The following MAGI2 variants were observed in gnomAD, a reference collection of about 807,000 sequenced individuals.
MAGI2 encodes membrane-associated guanylate kinase, WW and PDZ domain-containing protein 2.
Under a neutral mutation model 133.3 loss-of-function variants are expected in MAGI2, and 35 were observed. The observed-to-expected ratio is 0.26, with a 90% confidence interval of 0.20 to 0.35. The LOEUF is 0.35. Ranked by LOEUF, MAGI2 falls within the 10% of genes least tolerant of loss-of-function variation. The pLI is 1.00. For synonymous variants in MAGI2, 729 were observed against 710.6 expected, an observed-to-expected ratio of 1.03 and a Z score of -0.41; for missense variants, 1,636 against 1,863.4, an observed-to-expected ratio of 0.88 and a Z score of 2.25.
At chr7:79,296,591 A>T (rs1311991518) in intron 1 of MAGI2, among the ~76,000 whole-genome samples, 3 of 152,220 alleles carry the variant, frequency 2.0e-5, no homozygotes, top group African/African-American at 7.2e-5. Flanking sequence ...GCACAAAAAG[A>T]CAAATACCAC....
chr7:78,855,335 A>G (rs1793539352), intron 2 of MAGI2, among the ~76,000 whole-genome samples: 1 of 152,134 alleles, frequency 6.6e-6, no homozygotes, highest in East Asian at 1.9e-4. Flanking sequence ...GACATGTGCC[A>G]TGTTTGTGTG....
At chr7:79,310,965 CA>C (rs1331940595) in intron 1 of MAGI2, among the ~76,000 whole-genome samples, 10 of 151,732 alleles carry the variant, frequency 6.6e-5, no homozygotes, top group Non-Finnish European at 1.3e-4. Context: ...CACACACACA[CA>C]CCCCTCTCCA....
chr7:78,241,719 G>A (rs1424198161), intron 10 of MAGI2, among the ~76,000 whole-genome samples: 1 of 152,044 alleles, frequency 6.6e-6, no homozygotes, highest in African/African-American at 2.4e-5. Context: ...AATCACTTGA[G>A]GTCAGGAGTT....
chr7:78,588,364 T>C (rs575020466), intron 3 of MAGI2, among the ~76,000 whole-genome samples: 100 of 152,222 alleles, frequency 6.6e-4, no homozygotes, highest in Non-Finnish European at 1.3e-3. Flanking sequence ...ATATAATTAA[T>C]AACTTCAAAA....
chr7:78,358,406 G>T, intron 7 of MAGI2: 1 of 152,634 alleles, frequency 6.6e-6, no homozygotes. Context: ...GCACCACGAG[G>T]GCATCAACAT....
intron 18 of MAGI2, among the ~76,000 whole-genome samples, chr7:78,129,362 A>T (rs1286934424): frequency 6.6e-6 from 1 of 152,208 alleles, no homozygotes; most frequent in African/African-American, 2.4e-5. Flanking sequence ...CTAACTTTTA[A>T]GTGAATAATA....
At chr7:79,287,813 T>G (rs769683220) in intron 1 of MAGI2, among the ~76,000 whole-genome samples, 1 of 152,134 alleles carries the variant, frequency 6.6e-6, no homozygotes, top group Non-Finnish European at 1.5e-5. Context: ...CAGACATTTA[T>G]GTATATGATT....
In MAGI2 at chr7:78,540,682, G is replaced by A. The variant is rs775156951; in HGVS notation, c.539-19037C>T. ...AGTTTCCTTCTCTCTGTGGTCCTTC[G>A]CCAATTCTACTGGCAGCCCTCCCTA... On this transcript the variant is annotated intron_variant, in intron 3 of 21. Transcript: ENST00000354212. Among the ~76,000 whole-genome samples the A allele has an allele frequency of 3.2e-4, 48 of 151,958 alleles. 1 individual carries two copies. The highest frequency in any genetic ancestry group is 3.9e-4 in the African/African-American group (16 of 41,366).
At chr7:79,306,219 A>T (rs1186968306) in intron 1 of MAGI2, among the ~76,000 whole-genome samples, 1 of 146,092 alleles carries the variant, frequency 6.8e-6, no homozygotes, top group African/African-American at 2.5e-5. Context: ...ATATATGTGT[A>T]TATATATTTT....
chr7:78,758,290 C>T (rs1388632479), intron 2 of MAGI2, among the ~76,000 whole-genome samples: 1 of 151,832 alleles, frequency 6.6e-6, no homozygotes, highest in African/African-American at 2.4e-5. Flanking sequence ...TATTATATAT[C>T]CCAAGCACCT....
chr7:78,404,617 T>C (rs1407337796), intron 6 of MAGI2, among the ~76,000 whole-genome samples: 2 of 152,174 alleles, frequency 1.3e-5, no homozygotes, highest in Admixed American at 1.3e-4. Flanking sequence ...GCTAGCCATA[T>C]ATAGAAAGCT....
At chr7:78,861,990 TA>T (rs1794188044) in intron 2 of MAGI2, among the ~76,000 whole-genome samples, 2 of 152,322 alleles carry the variant, frequency 1.3e-5, no homozygotes, top group African/African-American at 4.8e-5. Context: ...AAACCAAATG[TA>T]CAAATAACAA....
chr7:79,017,087 T>C (rs1366537605), intron 1 of MAGI2, among the ~76,000 whole-genome samples: 1 of 152,232 alleles, frequency 6.6e-6, no homozygotes. Flanking sequence ...CTGATGAGCA[T>C]GCAACTTGCA....
intron 2 of MAGI2, among the ~76,000 whole-genome samples, chr7:78,831,270 T>G (rs1791126626): frequency 6.6e-6 from 1 of 152,194 alleles, no homozygotes; most frequent in African/African-American, 2.4e-5. Flanking sequence ...AGGTTAGATT[T>G]CCACATACTA....
chr7:78,247,673 C>T (rs1791945856), intron 10 of MAGI2, among the ~76,000 whole-genome samples: 1 of 151,976 alleles, frequency 6.6e-6, no homozygotes, highest in African/African-American at 2.4e-5. Context: ...CAATACAGAG[C>T]TTCAGTAGCA....
At chr7:79,337,396 C>T (rs965431228) in intron 1 of MAGI2, among the ~76,000 whole-genome samples, 1 of 152,136 alleles carries the variant, frequency 6.6e-6, no homozygotes, top group African/African-American at 2.4e-5. Context: ...CACAGACTAC[C>T]AAATTAAATA....
At chr7:78,491,871 TTGTGTGTGTG>T (rs10598552) in intron 5 of MAGI2, among the ~76,000 whole-genome samples, 37,672 of 141,030 alleles carry the variant, frequency 0.27, 5,806 homozygotes, top group East Asian at 0.57. Flanking sequence ...TCCGTTCAAA[TTGTGTGTGTG>T]TGTGTGTGTG....
At chr7:78,533,102 C>T (rs557592538) in intron 3 of MAGI2, among the ~76,000 whole-genome samples, 18 of 152,140 alleles carry the variant, frequency 1.2e-4, no homozygotes, top group African/African-American at 4.1e-4. Flanking sequence ...CCACCACACC[C>T]GGCTAATTTT....
At chr7:78,741,237 T>C (rs1172364061) in intron 2 of MAGI2, among the ~76,000 whole-genome samples, 1 of 152,038 alleles carries the variant, frequency 6.6e-6, no homozygotes. Context: ...GAGACAGCTT[T>C]CAAACAGGTT....
Sources: allele counts gnomAD v4.1 joint callset (sites outside exome capture counted in the v4.1 genomes callset), GRCh38; gene constraint gnomAD v4.1.1; transcripts MANE v1.5; gene names NCBI Gene and HGNC (gene_info 2026-07-23, HGNC 2026-07-21).